FAM81A: variants seen among roughly 807,000 people sequenced by gnomAD.
The protein encoded by FAM81A is protein FAM81A.
Under a neutral mutation model 46.7 loss-of-function variants are expected in FAM81A, and 19 were observed. The observed-to-expected ratio is 0.41, with a 90% CI of 0.28 to 0.60. The LOEUF (loss-of-function observed/expected upper bound fraction) is 0.60, where lower values mean the gene tolerates loss of function less well. FAM81A is among the 20% of genes least tolerant of loss of function. The probability of loss-of-function intolerance (pLI) is 0.34; values close to 1 mark genes in which losing one functional copy is unlikely to be tolerated. For missense variants in FAM81A, 377 were observed against 453.5 expected, an observed-to-expected ratio of 0.83 and a Z score of 1.53; for synonymous variants, 183 against 152.9, an observed-to-expected ratio of 1.20 and a Z score of -1.45.
rs754901357 is a variant in FAM81A, at chr15:59,521,541, A to C, written c.*163A>C. ...TCTAAATGTTTACCTTGAGTCTTGA[A>C]AATACTCTTTTGTTAAAAGTATGAA... On this transcript the variant is annotated 3_prime_UTR_variant, in exon 9 of 9. Coordinates refer to ENST00000288228, the MANE Select transcript of FAM81A (RefSeq NM_152450.3). 2 of 670,422 alleles carry C rather than the reference A, an allele frequency of 3.0e-6. No individual in the cohort carries two copies. The highest frequency in any genetic ancestry group is 1.9e-5 in the African/African-American group (1 of 53,392). The allele number at this position is 670,422 out of a possible 1,614,324, so 41.5% of individuals were successfully genotyped here.
chr15:59,501,286 G>C (rs1309963196), intron 4 of FAM81A, among the ~76,000 whole-genome samples: 2 of 152,084 alleles, frequency 1.3e-5, no homozygotes, highest in Non-Finnish European at 2.9e-5. Flanking sequence ...CTGTTTGACT[G>C]TCTCTTTCCC....
chr15:59,514,401 T>G lies in FAM81A; in HGVS notation c.763T>G (p.Ser255Ala), dbSNP rs1329459666. 3 of 1,612,810 alleles carry G rather than the reference T, an allele frequency of 1.9e-6. No homozygotes were observed. Among genetic ancestry groups the G allele is most frequent in the Non-Finnish European group, 2.5e-6 (3 of 1,179,624 alleles). ...KELLQKIDQL[S>A]LIVKENSGAS... ...GCTTTTACAGAAAATTGATCAGCTT[T>G]CCTTGATTGTTAAGGAAAACAGTGT... Residue 255 changes from serine to alanine, a missense_variant, in exon 7 of 9, where the codon TCC becomes GCC. Coordinates refer to ENST00000288228, the MANE Select transcript of FAM81A (RefSeq NM_152450.3).
intron 1 of FAM81A, among the ~76,000 whole-genome samples, chr15:59,399,384 G>A (rs1167690991): frequency 6.6e-6 from 1 of 152,008 alleles, no homozygotes; most frequent in African/African-American, 2.4e-5. Flanking sequence ...AGCACTTTAT[G>A]CTCAGCCCAA....
At chr15:59,453,237 T>C (rs2141620551) in intron 1 of FAM81A, among the ~76,000 whole-genome samples, 1 of 152,336 alleles carries the variant, frequency 6.6e-6, no homozygotes, top group East Asian at 1.9e-4. Flanking sequence ...ATGCAGAGGC[T>C]GAGGTTCTAG....
Position 59,508,917 on chromosome 15 carries a change from C to G in FAM81A, c.598C>G (p.Leu200Val). The G allele has an allele frequency of 6.2e-7, 1 of 1,613,392 alleles. No homozygotes were observed. Among genetic ancestry groups the G allele is most frequent in the Non-Finnish European group, 8.5e-7 (1 of 1,179,508 alleles). The part of the protein sequence containing the change: ...DLSISEQSTK[L>V]KMSHRDSNHQ... ...GTCAATATCAGAGCAGAGCACCAAA[C>G]TGAAGATGTCTCACAGAGACAGTAA... The change falls in exon 6 of 9, where the codon CTG becomes GTG. Residue 200 changes from leucine (L) to valine (V), a missense_variant. Physicochemically the swap from Leu to Val is conservative, Grantham distance 32 (BLOSUM62 1). Transcript: ENST00000288228.
intron 1 of FAM81A, chr15:59,401,088 A>T: frequency 9.0e-6 from 5 of 556,682 alleles, no homozygotes; most frequent in Non-Finnish European, 1.3e-5. Flanking sequence ...TTCCATTTTA[A>T]TGTTTGCAAT....
At chr15:59,478,574 A>C (rs1280625970) in intron 3 of FAM81A, among the ~76,000 whole-genome samples, 1 of 152,178 alleles carries the variant, frequency 6.6e-6, no homozygotes, top group Admixed American at 6.5e-5. Flanking sequence ...AGGGAATTTC[A>C]GCCTGCAGCT....
At chr15:59,479,059 C>T (rs534527603) in intron 3 of FAM81A, among the ~76,000 whole-genome samples, 2 of 152,336 alleles carry the variant, frequency 1.3e-5, no homozygotes, top group South Asian at 2.1e-4. Flanking sequence ...GGCACTGGAG[C>T]TGCAGTAATG....
chr15:59,491,685 C>T (rs1396779041), intron 3 of FAM81A, among the ~76,000 whole-genome samples: 3 of 152,164 alleles, frequency 2.0e-5, no homozygotes, highest in African/African-American at 7.2e-5. Flanking sequence ...TGGCTCAAAC[C>T]TGTAATCCCA....
At chr15:59,477,425 C>T (rs1204197072) in intron 3 of FAM81A, among the ~76,000 whole-genome samples, 1 of 152,036 alleles carries the variant, frequency 6.6e-6, no homozygotes, top group Non-Finnish European at 1.5e-5. Context: ...AAGCTGAAGC[C>T]ATTCTTAAGA....
chr15:59,443,177 G>C (rs569050470), intron 1 of FAM81A, among the ~76,000 whole-genome samples: 60 of 152,314 alleles, frequency 3.9e-4, no homozygotes, highest in Middle Eastern at 6.8e-3. Context: ...CCGCCTCCCT[G>C]GTTCAAGCAA....
intron 3 of FAM81A, among the ~76,000 whole-genome samples, chr15:59,484,391 G>A (rs778896397): frequency 6.6e-6 from 1 of 152,086 alleles, no homozygotes; most frequent in African/African-American, 2.4e-5. Flanking sequence ...ACCTTCATGA[G>A]AACCAAAAAG....
chr15:59,501,676 A>G (rs1479872406), intron 4 of FAM81A, among the ~76,000 whole-genome samples: 1 of 152,206 alleles, frequency 6.6e-6, no homozygotes, highest in Non-Finnish European at 1.5e-5. Flanking sequence ...ACCAGTGATT[A>G]GGTAAGCCTA....
At chr15:59,442,483 G>A (rs2081309035) in intron 1 of FAM81A, among the ~76,000 whole-genome samples, 1 of 151,856 alleles carries the variant, frequency 6.6e-6, no homozygotes, top group African/African-American at 2.4e-5. Flanking sequence ...TGGGCATGGT[G>A]GTGAGCGCCT....
intron 2 of FAM81A, among the ~76,000 whole-genome samples, chr15:59,405,143 G>A (rs11856699): frequency 0.59 from 89,479 of 152,046 alleles, 29,043 homozygotes; most frequent in Non-Finnish European, 0.73. Context: ...AAGCCATCTC[G>A]CCTCCTGCAC....
Position 59,522,428 on chromosome 15 carries a change from G to T in FAM81A, c.*1050G>T, listed in dbSNP as rs1304770273. 1 of 152,536 alleles carries T rather than the reference G, an allele frequency of 6.6e-6. No individual in the cohort carries two copies. The highest frequency in any genetic ancestry group is 2.4e-5 in the African/African-American group (1 of 41,426). 9.4% of individuals were successfully genotyped at this position (152,536 alleles called of 1,614,324 possible). ...TTCTAAAAATTTTATCGCTGTTAAG[G>T]TATTAATCATTCAGTATTACTAATG... On this transcript the variant is annotated 3_prime_UTR_variant, in exon 9 of 9. Coordinates refer to ENST00000288228, the MANE Select transcript of FAM81A (RefSeq NM_152450.3).
intron 1 of FAM81A, among the ~76,000 whole-genome samples, chr15:59,449,586 C>T (rs1216936734): frequency 6.6e-6 from 1 of 152,008 alleles, no homozygotes; most frequent in Admixed American, 6.6e-5. Flanking sequence ...TCGAGACCAT[C>T]CTGGCTAACA....
intron 2 of FAM81A, among the ~76,000 whole-genome samples, chr15:59,412,076 G>C (rs2081123281): frequency 6.6e-6 from 1 of 151,942 alleles, no homozygotes; most frequent in South Asian, 2.1e-4. Flanking sequence ...GGGAGGGGCA[G>C]AGGGGAGAGG....
chr15:59,455,606 T>A (rs2081474024), intron 1 of FAM81A, among the ~76,000 whole-genome samples: 2 of 152,236 alleles, frequency 1.3e-5, no homozygotes. Flanking sequence ...GATATGCAGA[T>A]CCTCACCACA....
Sources: allele counts gnomAD v4.1 joint callset (sites outside exome capture counted in the v4.1 genomes callset), GRCh38; gene constraint gnomAD v4.1.1; transcripts MANE v1.5; gene names NCBI Gene and HGNC (gene_info 2026-07-23, HGNC 2026-07-21).